The following MACROD2 variants were observed in gnomAD, a reference collection of about 807,000 sequenced individuals.
MACROD2 encodes ADP-ribose glycohydrolase MACROD2.
In MACROD2, 36 loss-of-function variants were observed where a neutral mutation model predicts 70.4. The ratio of observed to expected loss-of-function variants is 0.51; its 90% CI spans 0.39 to 0.68. MACROD2 has a LOEUF of 0.68. Ranked by LOEUF, MACROD2 falls within the 30% of genes least tolerant of loss-of-function variation. The pLI is 0.00. For missense variants in MACROD2, 496 were observed against 538.4 expected, an observed-to-expected ratio of 0.92 and a Z score of 0.78; for synonymous variants, 172 against 178.8, an observed-to-expected ratio of 0.96 and a Z score of 0.30.
intron 8 of MACROD2, among the ~76,000 whole-genome samples, chr20:15,570,517 A>G (rs2048363742): frequency 6.6e-6 from 1 of 152,214 alleles, no homozygotes; most frequent in African/African-American, 2.4e-5. Flanking sequence ...GCAAGAAAAG[A>G]AATTGATTGG....
intron 12 of MACROD2, among the ~76,000 whole-genome samples, chr20:15,951,911 G>C (rs560681192): frequency 6.6e-6 from 1 of 152,098 alleles, no homozygotes; most frequent in African/African-American, 2.4e-5. Context: ...TATCCTAAAC[G>C]TGTTATGTGA....
chr20:15,130,349 T>G (rs2076096388), intron 5 of MACROD2, among the ~76,000 whole-genome samples: 1 of 151,944 alleles, frequency 6.6e-6, no homozygotes, highest in East Asian at 1.9e-4. Context: ...GAAGCAGATC[T>G]AAGCCCCAGA....
chr20:14,891,082 C>T (rs896701460), intron 5 of MACROD2, among the ~76,000 whole-genome samples: 1 of 148,522 alleles, frequency 6.7e-6, no homozygotes, highest in African/African-American at 2.5e-5. Flanking sequence ...TTTTCTCCTT[C>T]CTTCTTTCCT....
At chr20:14,751,736 A>G (rs1405783254) in intron 5 of MACROD2, among the ~76,000 whole-genome samples, 1 of 152,110 alleles carries the variant, frequency 6.6e-6, no homozygotes, top group East Asian at 1.9e-4. Flanking sequence ...CAGATCCTAC[A>G]TGCCATCAAT....
At chr20:14,334,999 T>C (rs151224875) in intron 3 of MACROD2, among the ~76,000 whole-genome samples, 3 of 152,264 alleles carry the variant, frequency 2.0e-5, no homozygotes, top group African/African-American at 2.4e-5. Context: ...AGATTTAATA[T>C]TGGTATGAAC....
At chr20:15,148,548 G>A (rs1205500589) in intron 5 of MACROD2, among the ~76,000 whole-genome samples, 1 of 152,050 alleles carries the variant, frequency 6.6e-6, no homozygotes, top group Non-Finnish European at 1.5e-5. Flanking sequence ...GTAAACAAGA[G>A]CAGGGCATGT....
intron 5 of MACROD2, among the ~76,000 whole-genome samples, chr20:15,181,338 A>G (rs1234314055): frequency 6.6e-6 from 1 of 152,238 alleles, no homozygotes; most frequent in Non-Finnish European, 1.5e-5. Flanking sequence ...CTAATGCTGC[A>G]ATAGGTATCT....
intron 5 of MACROD2, among the ~76,000 whole-genome samples, chr20:14,873,828 C>T (rs549792402): frequency 6.6e-6 from 1 of 152,132 alleles, no homozygotes; most frequent in Non-Finnish European, 1.5e-5. Context: ...CATTGCACTC[C>T]AGCCTGGGCA....
chr20:15,106,211 C>G (rs569130193), intron 5 of MACROD2, among the ~76,000 whole-genome samples: 19 of 152,270 alleles, frequency 1.2e-4, no homozygotes, highest in Non-Finnish European at 2.5e-4. Context: ...TTGCCAAACA[C>G]AACTCTTAAC....
At chr20:15,918,832 T>C (rs115599375) in intron 10 of MACROD2, among the ~76,000 whole-genome samples, 4,456 of 152,256 alleles carry the variant, frequency 0.029, 198 homozygotes, top group African/African-American at 0.1. Context: ...TGCCTCCTCA[T>C]GGGGCTCCAC....
chr20:15,963,297 T>G (rs749236038), intron 12 of MACROD2, among the ~76,000 whole-genome samples: 4 of 152,182 alleles, frequency 2.6e-5, no homozygotes, highest in Non-Finnish European at 5.9e-5. Context: ...TTCAGACCCA[T>G]TAGAAGTTCT....
At chr20:14,251,913 C>T (rs1325915763) in intron 3 of MACROD2, among the ~76,000 whole-genome samples, 1 of 151,882 alleles carries the variant, frequency 6.6e-6, no homozygotes, top group Non-Finnish European at 1.5e-5. Flanking sequence ...CTTCATCTGC[C>T]CAAATTTGCA....
chr20:15,473,006 T>C (rs2046980218), intron 7 of MACROD2, among the ~76,000 whole-genome samples: 1 of 152,240 alleles, frequency 6.6e-6, no homozygotes, highest in Admixed American at 6.5e-5. Context: ...CTTTTTCTCA[T>C]ACTTCTAGTT....
intron 6 of MACROD2, among the ~76,000 whole-genome samples, chr20:15,331,567 G>A (rs1235518815): frequency 6.6e-6 from 1 of 151,586 alleles, no homozygotes; most frequent in Non-Finnish European, 1.5e-5. Flanking sequence ...CTGAGCTTCA[G>A]ACAATTTATG....
chr20:14,086,010 A>G (rs889063637), intron 3 of MACROD2, among the ~76,000 whole-genome samples: 1 of 152,196 alleles, frequency 6.6e-6, no homozygotes, highest in African/African-American at 2.4e-5. Context: ...TTCAGAAAGA[A>G]CTTTAGCAAG....
intron 8 of MACROD2, among the ~76,000 whole-genome samples, chr20:15,819,090 T>C (rs1346298472): frequency 6.6e-6 from 1 of 151,634 alleles, no homozygotes; most frequent in African/African-American, 2.4e-5. Flanking sequence ...TGTAAAGATA[T>C]CTGCATTTTC....
intron 6 of MACROD2, among the ~76,000 whole-genome samples, chr20:15,367,625 AT>A (rs1057404412): frequency 2.6e-5 from 4 of 151,314 alleles, no homozygotes; most frequent in East Asian, 1.9e-4. Flanking sequence ...AGGGTTTTAC[AT>A]TTTTTTTTCT....
At chr20:15,874,792 C>G (rs543022255) in intron 9 of MACROD2, among the ~76,000 whole-genome samples, 1 of 152,168 alleles carries the variant, frequency 6.6e-6, no homozygotes. Flanking sequence ...AACCCCAGAC[C>G]CTGTGAATAT....
intron 4 of MACROD2, among the ~76,000 whole-genome samples, chr20:14,630,934 A>G (rs1984473451): frequency 6.6e-6 from 1 of 152,184 alleles, no homozygotes; most frequent in African/African-American, 2.4e-5. Context: ...ACTCAACAAG[A>G]ACATAATTCA....
Sources: allele counts gnomAD v4.1 joint callset (sites outside exome capture counted in the v4.1 genomes callset), GRCh38; gene constraint gnomAD v4.1.1; transcripts MANE v1.5; gene names NCBI Gene and HGNC (gene_info 2026-07-23, HGNC 2026-07-21).